Variants in MTR observed in about 807,000 individuals in gnomAD.
The protein encoded by MTR is methionine synthase.
In MTR, 84 loss-of-function variants were observed where a neutral mutation model predicts 154.8. That is an observed-to-expected ratio of 0.54 (90% CI 0.45 to 0.65). The LOEUF is 0.65. MTR is among the 30% of genes least tolerant of loss of function. The pLI is 0.00. For synonymous variants in MTR, 554 were observed against 553.9 expected (o/e 1.00, Z 0.00); for missense variants, 1,275 against 1,570.2 (o/e 0.81, Z 3.18).
Position 236,826,882 on chromosome 1 carries a change from A to C in MTR, c.981A>C (p.Thr327=), listed in dbSNP as rs1162272323. The C allele has an allele frequency of 6.2e-7, 1 of 1,613,998 alleles. No homozygotes were observed. Among genetic ancestry groups the C allele is most frequent in the African/African-American group, 1.3e-5 (1 of 75,054 alleles). ...VNIVGGCCGS[T]PDHIREIAEA... ...TAGTTGGAGGATGCTGTGGGTCAAC[A>C]CCAGATCATATCAGGTAATAATCAC... is the stretch of plus-strand genomic sequence containing the variant. Residue 327 remains threonine (T), a synonymous_variant, in exon 11 of 33, where the codon ACA becomes ACC. Transcript: ENST00000366577.
At chr1:236,847,862 C>T (rs1663673824) in intron 15 of MTR, among the ~76,000 whole-genome samples, 1 of 152,170 alleles carries the variant, frequency 6.6e-6, no homozygotes, top group Non-Finnish European at 1.5e-5. Context: ...TTTTACTGAA[C>T]TTCTATTCTG....
At chr1:236,897,160 A>G (rs1270064644) in intron 32 of MTR, 42 bp downstream of exon 32, 14 of 1,409,676 alleles carry the variant, frequency 9.9e-6, no homozygotes, top group Admixed American at 8.4e-5. Context: ...CCTAGTTCAA[A>G]TGAAATTCTA....
Position 236,897,615 on chromosome 1 carries a change from G to A in MTR, c.3769G>A (p.Gly1257Arg), listed in dbSNP as rs747115857. 6.2e-7 allele frequency: 1 copy of A among 1,613,370 alleles called. No individual in the cohort carries two copies. The highest frequency in any genetic ancestry group is 8.5e-7 in the Non-Finnish European group (1 of 1,179,816). The change falls in exon 33 of 33, where the codon GGA (glycine) becomes AGA (arginine). Residue 1257 changes from glycine (G) to arginine (R), a missense_variant. Gly to Arg is a moderately radical substitution (Grantham distance 125, BLOSUM62 -2). Coordinates refer to ENST00000366577, the MANE Select transcript of MTR (RefSeq NM_000254.3). The part of the protein sequence containing the change: ...ISVAEVEKWL[G>R]PILGYDTD ...TGTGGCTGAGGTTGAGAAATGGCTT[G>A]GACCCATTTTGGGATATGATACAGA...
At chr1:236,895,782 C>T (rs1486519320) in intron 31 of MTR, among the ~76,000 whole-genome samples, 1 of 152,226 alleles carries the variant, frequency 6.6e-6, no homozygotes, top group East Asian at 1.9e-4. Context: ...TTCCTCTTGG[C>T]CTACGCCAGA....
chr1:236,881,352 A>G (rs959156870), intron 25 of MTR, among the ~76,000 whole-genome samples: 1 of 152,140 alleles, frequency 6.6e-6, no homozygotes, highest in Non-Finnish European at 1.5e-5. Context: ...GTGAAGCCTA[A>G]CATTCTATCT....
intron 17 of MTR, 69 bp downstream of exon 17, chr1:236,852,706 G>C: frequency 7.1e-7 from 1 of 1,407,152 alleles, no homozygotes; most frequent in East Asian, 2.3e-5. Flanking sequence ...TCAAAGTGTG[G>C]CATGCAGGCT....
chr1:236,896,950 A>C, intron 31 of MTR, 56 bp from the exon 32 acceptor site: 3 of 1,284,660 alleles, frequency 2.3e-6, no homozygotes, highest in Non-Finnish European at 3.4e-6. Flanking sequence ...TGCTAGCTGC[A>C]GGCCCTGTGC....
intron 16 of MTR, among the ~76,000 whole-genome samples, chr1:236,852,080 C>G (rs1051480576): frequency 6.6e-6 from 1 of 152,158 alleles, no homozygotes; most frequent in African/African-American, 2.4e-5. Context: ...TCCTGTTATT[C>G]CACAAGCCTG....
chr1:236,813,188 C>G (rs967837557), intron 6 of MTR, among the ~76,000 whole-genome samples: 2 of 152,058 alleles, frequency 1.3e-5, no homozygotes, highest in Admixed American at 1.3e-4. Flanking sequence ...CTTTCCTAGT[C>G]TCTAGTTATC....
In MTR at chr1:236,895,633, T is replaced by C. The variant is rs915996103; in HGVS notation, c.3598+83T>C. 9.1e-6 allele frequency: 13 copies of C among 1,426,840 alleles called. No homozygotes were observed. The African/African-American group carries it at 1.3e-4, about 14-fold the overall frequency. The allele number at this position is 1,426,840 out of a possible 1,614,324, so 88.4% of individuals were successfully genotyped here. On this transcript the variant is annotated intron_variant, in intron 31 of 32. Coordinates refer to ENST00000366577, the MANE Select transcript of MTR (RefSeq NM_000254.3). ...GCATACTGGCACTTAGGGTTAAACA[T>C]GTTTTTAAAATGGAAGGGCTTCTAA...
chr1:236,855,858 C>T (rs1664175204), intron 18 of MTR, among the ~76,000 whole-genome samples: 1 of 152,132 alleles, frequency 6.6e-6, no homozygotes, highest in African/African-American at 2.4e-5. Context: ...CTGTGTAGCA[C>T]CTTGTTTGTG....
intron 29 of MTR, among the ~76,000 whole-genome samples, chr1:236,892,561 A>G (rs1003889334): frequency 6.6e-6 from 1 of 152,178 alleles, no homozygotes; most frequent in Non-Finnish European, 1.5e-5. Flanking sequence ...TTTTTACCAT[A>G]ACAGCATCTG....
intron 2 of MTR, among the ~76,000 whole-genome samples, chr1:236,804,220 A>G (rs527416450): frequency 5.9e-5 from 9 of 152,304 alleles, no homozygotes; most frequent in East Asian, 3.9e-4. Flanking sequence ...TGTGTTCTCA[A>G]TGTTTGTGTC....
At chr1:236,833,734 C>G (rs1662748698) in intron 13 of MTR, among the ~76,000 whole-genome samples, 1 of 152,224 alleles carries the variant, frequency 6.6e-6, no homozygotes, top group Non-Finnish European at 1.5e-5. Flanking sequence ...CCAACTCATA[C>G]ATCTTTAAAC....
intron 16 of MTR, among the ~76,000 whole-genome samples, chr1:236,852,011 A>T (rs1266364527): frequency 6.6e-6 from 1 of 152,194 alleles, no homozygotes; most frequent in African/African-American, 2.4e-5. Flanking sequence ...TGGTTGGCTC[A>T]TAGTAGTAGA....
chr1:236,893,950 A>C (rs897097508), intron 29 of MTR, among the ~76,000 whole-genome samples: 1 of 151,298 alleles, frequency 6.6e-6, no homozygotes, highest in Admixed American at 6.6e-5. Flanking sequence ...CATTTATTGG[A>C]TCTCTTTTGA....
chr1:236,848,434 A>G (rs1202720972), intron 15 of MTR, among the ~76,000 whole-genome samples: 2 of 152,184 alleles, frequency 1.3e-5, no homozygotes, highest in Non-Finnish European at 2.9e-5. Flanking sequence ...TAGATGAGCC[A>G]TGAACCTAGA....
intron 13 of MTR, among the ~76,000 whole-genome samples, chr1:236,832,726 C>T (rs1291925753): frequency 6.6e-6 from 1 of 152,172 alleles, no homozygotes; most frequent in Non-Finnish European, 1.5e-5. Flanking sequence ...TATCATCCAA[C>T]TTTCCTCACT....
chr1:236,859,668 T>G (rs572160936), intron 18 of MTR, among the ~76,000 whole-genome samples, 165 bp from the exon 19 acceptor site: 1 of 152,324 alleles, frequency 6.6e-6, no homozygotes, highest in Admixed American at 6.5e-5. Flanking sequence ...TCTCCTTCCC[T>G]CAAACATTCA....
Sources: gnomAD v4.1 joint callset for allele counts (sites outside exome capture counted in the v4.1 genomes callset) on GRCh38, gnomAD v4.1.1 for gene constraint, MANE v1.5 for transcripts, NCBI Gene and HGNC (gene_info 2026-07-23, HGNC 2026-07-21) for gene names.